Variants in ATR observed in about 807,000 individuals in gnomAD.
The protein encoded by ATR is ATR checkpoint kinase.
A neutral mutation model predicts 305.3 loss-of-function variants in ATR; 142 were observed. That is an observed-to-expected ratio of 0.47 (90% CI 0.41 to 0.53). ATR has a LOEUF of 0.53. ATR is among the 20% of genes least tolerant of loss of function. ATR has a pLI of 0.00. For missense variants in ATR, 2,135 were observed against 3,133.1 expected, an observed-to-expected ratio of 0.68 and a Z score of 7.60; for synonymous variants, 1,050 against 1,068.1, an observed-to-expected ratio of 0.98 and a Z score of 0.33.
chr3:142,511,274 A>G (rs1383049268), intron 27 of ATR, among the ~76,000 whole-genome samples: 1 of 152,146 alleles, frequency 6.6e-6, no homozygotes, highest in Non-Finnish European at 1.5e-5. Flanking sequence ...TAATAACAAT[A>G]TTAGCATCTC....
chr3:142,576,406 C>T (rs2035439911), intron 1 of ATR, among the ~76,000 whole-genome samples: 1 of 151,976 alleles, frequency 6.6e-6, no homozygotes, highest in African/African-American at 2.4e-5. Context: ...ACATTTAAAG[C>T]CATGAGATTA....
intron 36 of ATR, 64 bp from the exon 37 acceptor site, chr3:142,470,247 A>G: frequency 7.5e-7 from 1 of 1,333,236 alleles, no homozygotes; most frequent in African/African-American, 1.5e-5. Context: ...TACGAATTAA[A>G]ATTTAAAGAT....
intron 36 of ATR, among the ~76,000 whole-genome samples, chr3:142,478,205 C>T (rs2108296108): frequency 6.6e-6 from 1 of 152,186 alleles, no homozygotes; most frequent in East Asian, 1.9e-4. Flanking sequence ...TAAATCTTTC[C>T]TGCTTTCTCT....
chr3:142,499,988 A>C (rs2031870833), intron 30 of ATR: 1 of 325,292 alleles, frequency 3.1e-6, no homozygotes, highest in Admixed American at 4.6e-5. Flanking sequence ...CATATATTAG[A>C]GCAGAGTTAA....
At chr3:142,473,518 T>C (rs1050127045) in intron 36 of ATR, among the ~76,000 whole-genome samples, 3 of 152,024 alleles carry the variant, frequency 2.0e-5, no homozygotes, top group African/African-American at 7.2e-5. Flanking sequence ...AATTTTGAAG[T>C]CAGGTAGTGT....
chr3:142,512,237 A>T (rs1553762038), intron 27 of ATR, 23 bp downstream of exon 27: 2 of 1,569,514 alleles, frequency 1.3e-6, no homozygotes, highest in Non-Finnish European at 1.7e-6. Context: ...AAAAAAAAAA[A>T]AGAAACAGAA....
chr3:142,453,317 G>A (rs2070833235), intron 45 of ATR, 84 bp from the exon 46 acceptor site: 2 of 1,451,238 alleles, frequency 1.4e-6, no homozygotes, highest in Middle Eastern at 1.8e-4. Context: ...TGAAGGATGA[G>A]AAGCTAATGG....
chr3:142,512,565 T>G, intron 26 of ATR, 95 bp from the exon 27 acceptor site: 1 of 1,126,754 alleles, frequency 8.9e-7, no homozygotes, highest in Non-Finnish European at 1.2e-6. Context: ...GCAAAAATTT[T>G]CAAAAGAAAA....
intron 1 of ATR, among the ~76,000 whole-genome samples, chr3:142,570,350 G>A (rs1297652549): frequency 2.0e-5 from 3 of 152,118 alleles, no homozygotes; most frequent in Non-Finnish European, 4.4e-5. Flanking sequence ...CAAATCCAGT[G>A]TCATAATGTT....
chr3:142,546,520 A>G (rs1184807143), intron 16 of ATR, among the ~76,000 whole-genome samples: 1 of 152,176 alleles, frequency 6.6e-6, no homozygotes, highest in Non-Finnish European at 1.5e-5. Context: ...AATTATCAAA[A>G]TGTAACTCAT....
rs112116713 is a variant in ATR, at chr3:142,522,850, GA to G, written c.4153-10del. ...GAATCTTCTACTCCAGTCTCAATCA[GA>G]AAAAAAAAAAAGAAAATTCCAGGAT... On this transcript the variant is annotated splice_polypyrimidine_tract_variant and intron_variant, in intron 22 of 46. Coordinates refer to ENST00000350721, the MANE Select transcript of ATR (RefSeq NM_001184.4). 34,520 of 1,114,104 alleles carry G rather than the reference GA, an allele frequency of 0.031. No homozygotes were observed. Among genetic ancestry groups the G allele is most frequent in the Non-Finnish European group, 0.033 (26,428 of 810,294 alleles). The allele number at this position is 1,114,104 out of a possible 1,614,324, so 69.0% of individuals were successfully genotyped here.
chr3:142,544,338 G>C (rs1479666353), intron 16 of ATR, among the ~76,000 whole-genome samples: 1 of 150,484 alleles, frequency 6.6e-6, no homozygotes, highest in Non-Finnish European at 1.5e-5. Flanking sequence ...TGTGGTCCCA[G>C]CTACTCAGGA....
At chr3:142,486,000 C>A (rs2030896691) in intron 35 of ATR, among the ~76,000 whole-genome samples, 1 of 152,134 alleles carries the variant, frequency 6.6e-6, no homozygotes, top group Admixed American at 6.5e-5. Context: ...TGCTTTCATC[C>A]CTTGACTTCT....
chr3:142,534,934 T>C, intron 21 of ATR, 146 bp downstream of exon 21: 1 of 912,368 alleles, frequency 1.1e-6, no homozygotes. Context: ...CATGGATTCC[T>C]AATTCTCAGT....
At chr3:142,504,562 A>G (rs1239431935) in intron 29 of ATR, among the ~76,000 whole-genome samples, 3 of 151,734 alleles carry the variant, frequency 2.0e-5, no homozygotes, top group Non-Finnish European at 4.4e-5. Context: ...TCCCGGGTTC[A>G]AGCAATTCTC....
At chr3:142,562,153 T>G in intron 4 of ATR, 79 bp downstream of exon 4, 2 of 1,400,156 alleles carry the variant, frequency 1.4e-6, no homozygotes, top group Non-Finnish European at 2.0e-6. Context: ...ATTTTCTTAT[T>G]ATTACATTTT....
At chr3:142,497,887 T>G (rs1459869754) in intron 32 of ATR, among the ~76,000 whole-genome samples, 1 of 152,194 alleles carries the variant, frequency 6.6e-6, no homozygotes, top group African/African-American at 2.4e-5. Flanking sequence ...CTTTGATACA[T>G]TCACACTAGC....
At chr3:142,572,638 G>C (rs748779276) in intron 1 of ATR, among the ~76,000 whole-genome samples, 1 of 151,814 alleles carries the variant, frequency 6.6e-6, no homozygotes, top group Non-Finnish European at 1.5e-5. Flanking sequence ...AGCAGGTATA[G>C]AGACACACAC....
rs796411060 is a variant in ATR, at chr3:142,535,351, C to T, written c.3820-146G>A. On this transcript the variant is annotated intron_variant, in intron 20 of 46. Coordinates refer to ENST00000350721, the MANE Select transcript of ATR (RefSeq NM_001184.4). The stretch of plus-strand genomic sequence containing the variant: ...TGAAATTTCCATTCCTTCCTTTGTA[C>T]AGCACAAATCATTTTTAGTAATTCT... The T allele has an allele frequency of 5.8e-5, 47 of 817,056 alleles. No individual in the cohort carries two copies. In the South Asian group the frequency reaches 1.1e-3, roughly 20 times the overall value. The allele number at this position is 817,056 out of a possible 1,614,324, so 50.6% of individuals were successfully genotyped here.
Sources: gnomAD v4.1 joint callset for allele counts (sites outside exome capture counted in the v4.1 genomes callset) on GRCh38, gnomAD v4.1.1 for gene constraint, MANE v1.5 for transcripts, NCBI Gene and HGNC (gene_info 2026-07-23, HGNC 2026-07-21) for gene names.